KAZN: variants seen among roughly 807,000 people sequenced by gnomAD.
KAZN encodes the protein kazrin.
In KAZN, 40 loss-of-function variants were observed where a neutral mutation model predicts 87.4. That is an observed-to-expected ratio of 0.46 (90% confidence interval 0.36 to 0.60). KAZN has a LOEUF of 0.60. KAZN is among the 20% of genes least tolerant of loss of function. The pLI is 0.00. For synonymous variants in KAZN, 466 were observed against 458.3 expected, an observed-to-expected ratio of 1.02 and a Z score of -0.22; for missense variants, 898 against 1,073.9, an observed-to-expected ratio of 0.84 and a Z score of 2.29.
chr1:14,852,896 A>T (rs1053487757), intron 1 of KAZN, among the ~76,000 whole-genome samples: 3 of 152,202 alleles, frequency 2.0e-5, no homozygotes, highest in African/African-American at 7.2e-5. Flanking sequence ...GACCCCTCCC[A>T]GACCTGCTGA....
At chr1:15,095,040 G>A (rs927589011) in intron 10 of KAZN, 107 bp downstream of exon 10, 40 of 737,792 alleles carry the variant, frequency 5.4e-5, no homozygotes, top group Non-Finnish European at 8.2e-5. Flanking sequence ...CCAGGTGGTG[G>A]GGGACAGCAG....
rs1436378116 is a variant in KAZN, at chr1:14,820,340, T to C, written c.227-140344T>C. On this transcript the variant is annotated intron_variant, in intron 1 of 14. Coordinates refer to ENST00000376030, the MANE Select transcript of KAZN (RefSeq NM_201628.3). The surrounding 1 kb of genome is among the most constrained non-coding windows in gnomAD (Gnocchi z 4.1). ...TTACTTAGCCAAGTCATTGCCTCTG[T>C]TCCCGGAGCCATCTGCCAATTTCAA... 4.6e-5 allele frequency among the ~76,000 whole-genome samples: 7 copies of C among 152,208 alleles called. No individual in the cohort carries two copies. Among genetic ancestry groups the C allele is most frequent in the African/African-American group, 7.2e-5 (3 of 41,464 alleles).
At chr1:14,002,151 A>G (rs1012051065) in intron 1 of KAZN, among the ~76,000 whole-genome samples, 26 of 152,378 alleles carry the variant, frequency 1.7e-4, no homozygotes, top group Admixed American at 1.4e-3. Flanking sequence ...AAAGAAATTT[A>G]CAAGAAAAAT....
chr1:14,243,263 A>G (rs1649144742), intron 2 of KAZN, among the ~76,000 whole-genome samples: 7 of 152,120 alleles, frequency 4.6e-5, no homozygotes, highest in Admixed American at 4.6e-4. Flanking sequence ...TGTCAGAGCC[A>G]CCTGCATATA....
chr1:14,294,763 C>A (rs1048707115), intron 2 of KAZN, among the ~76,000 whole-genome samples: 1 of 151,212 alleles, frequency 6.6e-6, no homozygotes, highest in Non-Finnish European at 1.5e-5. Flanking sequence ...TAAAACCCCA[C>A]GAATTCTATA....
intron 8 of KAZN, among the ~76,000 whole-genome samples, chr1:15,070,341 C>T (rs1639450380): frequency 6.6e-6 from 1 of 152,206 alleles, no homozygotes; most frequent in Admixed American, 6.5e-5. Flanking sequence ...GAGGAATCAG[C>T]GGGGGAATCA....
intron 8 of KAZN, among the ~76,000 whole-genome samples, chr1:15,071,462 C>T (rs958734895): frequency 6.6e-6 from 1 of 152,038 alleles, no homozygotes; most frequent in African/African-American, 2.4e-5. Context: ...GCCATGTTGG[C>T]CAGGCTGATT....
At chr1:13,954,136 G>A (rs576098851) in intron 1 of KAZN, among the ~76,000 whole-genome samples, 11 of 152,214 alleles carry the variant, frequency 7.2e-5, no homozygotes, top group African/African-American at 1.2e-4. Flanking sequence ...CCCAGGAGGC[G>A]GAGGTCGCAG....
intron 1 of KAZN, among the ~76,000 whole-genome samples, chr1:14,736,305 T>TATA (rs1280744639): frequency 4.0e-4 from 52 of 130,466 alleles, no homozygotes; most frequent in African/African-American, 1.2e-3. Context: ...GTGTGTATAT[T>TATA]TTTTTTTTTT....
intron 2 of KAZN, among the ~76,000 whole-genome samples, chr1:14,250,564 G>GT (rs1353420975): frequency 8.0e-5 from 12 of 150,090 alleles, no homozygotes; most frequent in South Asian, 2.2e-4. Flanking sequence ...TATTATGAGA[G>GT]TTAAAAAAAA....
chr1:14,373,197 G>GAA (rs1463949033), intron 2 of KAZN, among the ~76,000 whole-genome samples: 266 of 61,962 alleles, frequency 4.3e-3, no homozygotes, highest in Non-Finnish European at 6.8e-3. Context: ...CTGAAAAACT[G>GAA]AATATATATA....
chr1:14,429,948 C>T (rs1386216010), intron 2 of KAZN, among the ~76,000 whole-genome samples: 2 of 152,070 alleles, frequency 1.3e-5, no homozygotes, highest in African/African-American at 4.8e-5. Context: ...GATCCTGTCC[C>T]TGCATCTCCT....
At chr1:15,057,800 A>G (rs1398511913) in intron 5 of KAZN, among the ~76,000 whole-genome samples, 1 of 152,214 alleles carries the variant, frequency 6.6e-6, no homozygotes, top group Non-Finnish European at 1.5e-5. Flanking sequence ...GGGCAGCAGG[A>G]GGGCAGAGGT....
At position 14,951,917 on chromosome 1, in the gene KAZN, A is replaced by G. The variant is rs544633487; in HGVS notation, c.227-8767A>G. Among the ~76,000 whole-genome samples the G allele has an allele frequency of 2.6e-4, 40 of 152,258 alleles. No individual in the cohort carries two copies. The South Asian group carries it at 8.3e-3, about 32-fold the overall frequency. On this transcript the variant is annotated intron_variant, in intron 1 of 14. Transcript: ENST00000376030. ...TAATAGCAAGAGTGGTGGCCAAGGG[A>G]GCACTCACAACCTCCTAGGTGCTGC...
intron 2 of KAZN, among the ~76,000 whole-genome samples, chr1:14,197,799 GATAGAT>G (rs1201981329): frequency 6.6e-6 from 1 of 152,198 alleles, no homozygotes; most frequent in African/African-American, 2.4e-5. Context: ...AGGTCAGGCT[GATAGAT>G]TCCCCCAGAA....
chr1:15,098,723 GGGA>G (rs1640906118), intron 10 of KAZN, among the ~76,000 whole-genome samples: 1 of 152,236 alleles, frequency 6.6e-6, no homozygotes, highest in Non-Finnish European at 1.5e-5. Context: ...CATCCTAGAA[GGGA>G]GGTTGTCTTG....
At chr1:14,099,218 C>T (rs1644194965) in intron 1 of KAZN, among the ~76,000 whole-genome samples, 1 of 152,154 alleles carries the variant, frequency 6.6e-6, no homozygotes, top group South Asian at 2.1e-4. Context: ...GGCACTCAAT[C>T]ATTAGCTTCT....
At chr1:14,055,608 C>G (rs928202198) in intron 1 of KAZN, among the ~76,000 whole-genome samples, 2 of 152,162 alleles carry the variant, frequency 1.3e-5, no homozygotes, top group African/African-American at 2.4e-5. Context: ...AAGCCCTTCT[C>G]CCCACATTGG....
intron 1 of KAZN, among the ~76,000 whole-genome samples, chr1:13,911,864 C>T (rs144239989): frequency 1.3e-5 from 2 of 152,168 alleles, no homozygotes; most frequent in Admixed American, 1.3e-4. Context: ...TTTGGGCCCC[C>T]AGAAGTCCCT....
Sources: allele counts gnomAD v4.1 joint callset (sites outside exome capture counted in the v4.1 genomes callset), GRCh38; gene constraint gnomAD v4.1.1; non-coding constraint Gnocchi (gnomAD v3.1); transcripts MANE v1.5; gene names NCBI Gene and HGNC (gene_info 2026-07-23, HGNC 2026-07-21).